Variants in PTPRK observed in about 807,000 individuals in gnomAD.
PTPRK encodes protein tyrosine phosphatase receptor type K, also known as receptor-type tyrosine-protein phosphatase kappa.
Under a neutral mutation model 178.0 loss-of-function variants are expected in PTPRK, and 75 were observed. The observed-to-expected ratio is 0.42, with a 90% CI of 0.35 to 0.51. The LOEUF (loss-of-function observed/expected upper bound fraction) is 0.51, where lower values mean the gene tolerates loss of function less well. PTPRK is among the 20% of genes least tolerant of loss of function. The pLI is 0.02. For synonymous variants in PTPRK, 637 were observed against 620.6 expected, an observed-to-expected ratio of 1.03 and a Z score of -0.39; for missense variants, 1,441 against 1,797.8, an observed-to-expected ratio of 0.80 and a Z score of 3.59.
chr6:128,369,254 A>G (rs1320732689), intron 2 of PTPRK, among the ~76,000 whole-genome samples: 1 of 149,770 alleles, frequency 6.7e-6, no homozygotes, highest in East Asian at 2.0e-4. Context: ...ATGATTATAG[A>G]GAGTGAGCTC....
intron 7 of PTPRK, among the ~76,000 whole-genome samples, chr6:128,177,126 C>A (rs561787378): frequency 1.6e-4 from 24 of 151,870 alleles, no homozygotes; most frequent in Admixed American, 3.3e-4. Context: ...AAAGAAAAGT[C>A]TCAAACTCAC....
chr6:127,983,454 G>A, intron 22 of PTPRK, 77 bp from the exon 23 acceptor site: 2 of 1,459,826 alleles, frequency 1.4e-6, no homozygotes, highest in Non-Finnish European at 1.9e-6. Flanking sequence ...TTTTTCCACT[G>A]TCAGATAGGT....
At chr6:128,159,348 G>T (rs1280581079) in intron 7 of PTPRK, among the ~76,000 whole-genome samples, 1 of 151,728 alleles carries the variant, frequency 6.6e-6, no homozygotes. Flanking sequence ...CCCAGACTAG[G>T]AACTTTCTAC....
Position 128,176,368 on chromosome 6 carries a change from T to C in PTPRK, c.1162+8064A>G, listed in dbSNP as rs1215438156. 2.0e-5 allele frequency among the ~76,000 whole-genome samples: 3 copies of C among 151,776 alleles called. 1 individual carries two copies. The highest frequency in any genetic ancestry group is 6.3e-3 in the Middle Eastern group (2 of 316). On this transcript the variant is annotated intron_variant, in intron 7 of 29. Coordinates refer to ENST00000368226, the MANE Select transcript of PTPRK (RefSeq NM_002844.4). Reference sequence around the variant, plus strand: ...GTTGTGGTGAGGGACTATGTAGAAGTGGGAAATAATAACATAGCCAAAGAA... The same window carrying C: ...GTTGTGGTGAGGGACTATGTAGAAGCGGGAAATAATAACATAGCCAAAGAA...
intron 2 of PTPRK, among the ~76,000 whole-genome samples, chr6:128,375,406 T>TAA (rs200700309): frequency 1.4e-5 from 2 of 145,048 alleles, no homozygotes; most frequent in African/African-American, 2.5e-5. Flanking sequence ...ACAACCTTTT[T>TAA]AAAAAAAAAA....
intron 1 of PTPRK, among the ~76,000 whole-genome samples, chr6:128,452,238 T>TC (rs1267772832): frequency 6.6e-6 from 1 of 152,108 alleles, no homozygotes; most frequent in Non-Finnish European, 1.5e-5. Context: ...TCTCTGTATT[T>TC]CCCAACTTGC....
At position 128,352,407 on chromosome 6, in the gene PTPRK, ACTACCTC is replaced by A. The variant is rs1401561033; in HGVS notation, c.224-30104_224-30098del. Among the ~76,000 whole-genome samples, 7 of 10,312 alleles carry A rather than the reference ACTACCTC, an allele frequency of 6.8e-4. No individual in the cohort carries two copies. The East Asian group carries it at 0.05, about 74-fold the overall frequency. The allele number at this position is 10,312 out of a possible 152,430, so 6.8% of individuals were successfully genotyped here. On this transcript the variant is annotated intron_variant, in intron 2 of 29. Transcript: ENST00000368226. ...CCTATAATTTATTTTTCATTCTGCAACTACCTCTAGTTGCAGATCACTGTACAGTCCA... is the reference window on the plus strand; with the variant it reads ...CCTATAATTTATTTTTCATTCTGCAATAGTTGCAGATCACTGTACAGTCCA...
At chr6:128,029,687 AAT>A (rs1774975265) in intron 13 of PTPRK, among the ~76,000 whole-genome samples, 3 of 140,142 alleles carry the variant, frequency 2.1e-5, no homozygotes, top group African/African-American at 8.0e-5. Context: ...TAATAATAAT[AAT>A]CCAGCCTCAC....
chr6:128,129,677 T>C (rs370995706), intron 7 of PTPRK, among the ~76,000 whole-genome samples: 9 of 152,274 alleles, frequency 5.9e-5, no homozygotes, highest in African/African-American at 2.2e-4. Flanking sequence ...TACAGACGAA[T>C]GTATAAACAT....
chr6:127,999,750 C>T (rs1777577472), intron 15 of PTPRK, among the ~76,000 whole-genome samples: 2 of 151,940 alleles, frequency 1.3e-5, no homozygotes, highest in Admixed American at 6.6e-5. Context: ...CTATTTTCCT[C>T]ACTAAATTCT....
rs1312731322 is a variant in PTPRK, at chr6:128,317,847, T to C, written c.495+4192A>G. On this transcript the variant is annotated intron_variant, in intron 3 of 29. Coordinates refer to ENST00000368226, the MANE Select transcript of PTPRK (RefSeq NM_002844.4). ...TTTCCTTCCTAATTGACCAGAACTG[T>C]GTCGCATATAGCCATCCTTACCTAC... Among the ~76,000 whole-genome samples, 8 of 152,218 alleles carry C rather than the reference T, an allele frequency of 5.3e-5. No individual in the cohort carries two copies. The East Asian group carries it at 1.5e-3, about 29-fold the overall frequency.
chr6:128,152,757 G>C (rs775252666), intron 7 of PTPRK, among the ~76,000 whole-genome samples: 4 of 151,806 alleles, frequency 2.6e-5, no homozygotes, highest in Non-Finnish European at 5.9e-5. Flanking sequence ...GTGGCAAAAG[G>C]GTGATTAAAA....
chr6:128,005,041 T>A, intron 15 of PTPRK, 43 bp downstream of exon 15: 1 of 1,528,498 alleles, frequency 6.5e-7, no homozygotes. Context: ...CAAAGTGAAA[T>A]GAGTTGTAAC....
At chr6:128,267,107 T>A (rs1819080028) in intron 3 of PTPRK, among the ~76,000 whole-genome samples, 1 of 152,110 alleles carries the variant, frequency 6.6e-6, no homozygotes, top group Non-Finnish European at 1.5e-5. Flanking sequence ...GCTCATATAT[T>A]AATGCTGATT....
At chr6:128,019,513 T>TC in intron 13 of PTPRK, among the ~76,000 whole-genome samples, 1 of 149,766 alleles carries the variant, frequency 6.7e-6, no homozygotes, top group African/African-American at 2.5e-5. Context: ...CTGGGAGGGT[T>TC]CTGAGAGGAA....
At chr6:128,287,471 C>T (rs1231124112) in intron 3 of PTPRK, among the ~76,000 whole-genome samples, 1 of 152,120 alleles carries the variant, frequency 6.6e-6, no homozygotes, top group Non-Finnish European at 1.5e-5. Context: ...TAATCCAAAA[C>T]CTCCTTTCAC....
chr6:128,099,608 T>A (rs1225244312), intron 7 of PTPRK, among the ~76,000 whole-genome samples: 2 of 152,078 alleles, frequency 1.3e-5, no homozygotes, highest in Non-Finnish European at 2.9e-5. Flanking sequence ...TACATTATAA[T>A]AGAAACAGGA....
chr6:128,194,954 A>C (rs935680259), intron 6 of PTPRK, among the ~76,000 whole-genome samples: 12 of 152,188 alleles, frequency 7.9e-5, no homozygotes, highest in African/African-American at 2.9e-4. Flanking sequence ...AATTTTAAAA[A>C]AAACCTACTG....
chr6:127,976,992 G>A lies in PTPRK; in HGVS notation c.3774C>T (p.Asp1258=). ...TQYPLPNTVK[D]FWRLVYDYGC... Reference sequence around the variant, plus strand: ...CATAATCATACACTAATCTCCAGAAGTCTTTTACAGTGTTTGGCAGAGGGT... The same window carrying A: ...CATAATCATACACTAATCTCCAGAAATCTTTTACAGTGTTTGGCAGAGGGT... The change falls in exon 26 of 30, where the codon GAC becomes GAT. Residue 1258 remains aspartate (D), a synonymous_variant. Transcript: ENST00000368226. 6.2e-7 allele frequency: 1 copy of A among 1,614,020 alleles called. No individual in the cohort carries two copies. The highest frequency in any genetic ancestry group is 1.1e-5 in the South Asian group (1 of 91,078).
Sources: allele counts gnomAD v4.1 joint callset (sites outside exome capture counted in the v4.1 genomes callset), GRCh38; gene constraint gnomAD v4.1.1; transcripts MANE v1.5; gene names NCBI Gene and HGNC (gene_info 2026-07-23, HGNC 2026-07-21).